MINDY2: variants seen among roughly 807,000 people sequenced by gnomAD.
The protein encoded by MINDY2 is MINDY lysine 48 deubiquitinase 2.
MINDY2 carries 52 observed loss-of-function variants against 68.2 expected under a neutral mutation model. The observed-to-expected ratio is 0.76, with a 90% confidence interval of 0.61 to 0.96. The LOEUF is 0.96. MINDY2 is among the 40% of genes least tolerant of loss of function. The pLI is 0.00. For missense variants in MINDY2, 881 were observed against 773.4 expected (o/e 1.14, Z -1.65); for synonymous variants, 372 against 303.0 (o/e 1.23, Z -2.36).
intron 2 of MINDY2, among the ~76,000 whole-genome samples, chr15:58,800,888 A>C (rs1191662422): frequency 6.6e-6 from 1 of 151,872 alleles, no homozygotes; most frequent in Non-Finnish European, 1.5e-5. Context: ...TTACATCACT[A>C]AGTCTAGCTC....
chr15:58,802,393 T>C lies in MINDY2; in HGVS notation c.963+16T>C. ...TTATGAACAGGTAATAAACAGTTTT[T>C]GTTAAAGTATATAATTTTAAAGTTT... On this transcript the variant is annotated intron_variant, in intron 3 of 8. Transcript: ENST00000559228. 1 of 1,501,006 alleles carries C rather than the reference T, an allele frequency of 6.7e-7. No individual in the cohort carries two copies. The highest frequency in any genetic ancestry group is 9.0e-7 in the Non-Finnish European group (1 of 1,105,408). 93.0% of individuals were successfully genotyped at this position (1,501,006 alleles called of 1,614,324 possible). A position where few individuals can be genotyped will look rare whatever the true frequency, so the allele number is the denominator to read the frequency against.
At position 58,772,040 on chromosome 15, in the gene MINDY2, T is replaced by A; in HGVS notation, c.645T>A (p.Val215=). The A allele has an allele frequency of 6.2e-7, 1 of 1,605,994 alleles. No individual in the cohort carries two copies. Among genetic ancestry groups the A allele is most frequent in the Non-Finnish European group, 8.5e-7 (1 of 1,175,844 alleles). Residue 215 remains valine (V), a synonymous_variant, in exon 1 of 9, where the codon GTT becomes GTA. Coordinates refer to ENST00000559228, the MANE Select transcript of MINDY2 (RefSeq NM_001040450.3). The stretch of plus-strand genomic sequence containing the variant: ...GCGCGGCGGTGTTGCCCGGGGCTGT[T>A]CCTCTGTGCAAGGAGGAGGAGGGGG... ...EEGAAVLPGA[V]PLCKEEEGEE...
chr15:58,789,301 G>A (rs940156410), intron 2 of MINDY2, among the ~76,000 whole-genome samples: 1 of 152,132 alleles, frequency 6.6e-6, no homozygotes, highest in Admixed American at 6.5e-5. Context: ...TTGCACCACT[G>A]CACTCCAGCC....
intron 3 of MINDY2, among the ~76,000 whole-genome samples, chr15:58,809,580 T>C (rs1291344845): frequency 2.0e-5 from 3 of 152,204 alleles, no homozygotes; most frequent in Non-Finnish European, 4.4e-5. Context: ...GATTCACCAG[T>C]AGGAGAGGCC....
chr15:58,813,799 G>C (rs1004604004), intron 4 of MINDY2, among the ~76,000 whole-genome samples: 8 of 151,356 alleles, frequency 5.3e-5, no homozygotes, highest in African/African-American at 1.5e-4. Flanking sequence ...CTGTAGAAAA[G>C]TTTACATTCC....
chr15:58,821,486 T>A (rs959200604), intron 4 of MINDY2, among the ~76,000 whole-genome samples: 10 of 152,186 alleles, frequency 6.6e-5, no homozygotes, highest in Non-Finnish European at 1.2e-4. Context: ...TTTAATCTTA[T>A]TTTGCATAAT....
intron 2 of MINDY2, chr15:58,796,048 C>T (rs1483640608): frequency 2.2e-6 from 1 of 454,904 alleles, no homozygotes; most frequent in Non-Finnish European, 4.4e-6. Context: ...AACCGTGTCA[C>T]TGCAGTGATG....
At chr15:58,842,783 C>T (rs2032344467) in intron 6 of MINDY2, among the ~76,000 whole-genome samples, 1 of 152,148 alleles carries the variant, frequency 6.6e-6, no homozygotes, top group African/African-American at 2.4e-5. Context: ...CTTCACAACT[C>T]CTCTGTGAGG....
In MINDY2 at chr15:58,834,418, C is replaced by T. The variant is rs181644581; in HGVS notation, c.1368+2502C>T. ...TCTTTAGTAAAGCTACTTCTACTCT[C>T]CTCAAACCAGTGGTTCTCAACCCAA... On this transcript the variant is annotated intron_variant, in intron 6 of 8. Coordinates refer to ENST00000559228, the MANE Select transcript of MINDY2 (RefSeq NM_001040450.3). Among the ~76,000 whole-genome samples, 299 of 152,344 alleles carry T rather than the reference C, an allele frequency of 2.0e-3. 3 individuals are homozygous for T. The highest frequency in any genetic ancestry group is 6.9e-3 in the African/African-American group (286 of 41,586).
At chr15:58,839,085 GT>G (rs1161783866) in intron 6 of MINDY2, among the ~76,000 whole-genome samples, 1 of 151,698 alleles carries the variant, frequency 6.6e-6, no homozygotes, top group East Asian at 1.9e-4. Flanking sequence ...TATATGAAAA[GT>G]TTTTTTAAAT....
intron 1 of MINDY2, among the ~76,000 whole-genome samples, chr15:58,777,993 G>A (rs1375497414): frequency 6.6e-6 from 1 of 151,964 alleles, no homozygotes; most frequent in Non-Finnish European, 1.5e-5. Context: ...GCTATTTATA[G>A]GTTTATTTGA....
At chr15:58,852,954 T>C (rs1567079810) in intron 8 of MINDY2, among the ~76,000 whole-genome samples, 2 of 47,442 alleles carry the variant, frequency 4.2e-5, no homozygotes, top group Non-Finnish European at 9.8e-5. Flanking sequence ...TTTTTTTTTT[T>C]TTTTTTTTTT....
At chr15:58,853,292 A>T (rs1255006091) in intron 8 of MINDY2, among the ~76,000 whole-genome samples, 1 of 152,004 alleles carries the variant, frequency 6.6e-6, no homozygotes, top group Non-Finnish European at 1.5e-5. Flanking sequence ...AGAAATTCTG[A>T]TTTGGGCATA....
intron 7 of MINDY2, 88 bp downstream of exon 7, chr15:58,847,558 A>G: frequency 8.9e-7 from 1 of 1,124,058 alleles, no homozygotes; most frequent in Non-Finnish European, 1.2e-6. Context: ...TCAACTAAAG[A>G]TTAATTCATC....
chr15:58,838,582 ATTT>A (rs780140528), intron 6 of MINDY2, among the ~76,000 whole-genome samples: 2 of 93,084 alleles, frequency 2.1e-5, no homozygotes, highest in Admixed American at 1.4e-4. Flanking sequence ...CTTTTTAGGG[ATTT>A]TTTTTTTTTT....
intron 5 of MINDY2, among the ~76,000 whole-genome samples, chr15:58,831,039 G>GTATATATATATATATA (rs1247362730): frequency 9.1e-5 from 10 of 109,600 alleles, no homozygotes; most frequent in Non-Finnish European, 1.3e-4. Flanking sequence ...GTGTGTGTGT[G>GTATATATATATATATA]TGTATATATA....
intron 6 of MINDY2, among the ~76,000 whole-genome samples, chr15:58,835,693 C>A (rs1297036759): frequency 5.9e-5 from 9 of 151,920 alleles, no homozygotes; most frequent in African/African-American, 1.7e-4. Context: ...AAAATGATAC[C>A]TAAAAAGTGA....
chr15:58,808,932 C>G (rs2030019311), intron 3 of MINDY2, among the ~76,000 whole-genome samples: 1 of 152,182 alleles, frequency 6.6e-6, no homozygotes, highest in Non-Finnish European at 1.5e-5. Flanking sequence ...CTGAAACTTG[C>G]CAGGCATGGT....
At chr15:58,827,158 C>G (rs1036198503) in intron 5 of MINDY2, among the ~76,000 whole-genome samples, 3 of 152,118 alleles carry the variant, frequency 2.0e-5, no homozygotes, top group Non-Finnish European at 2.9e-5. Flanking sequence ...TGGTGATGTT[C>G]AAATATGATA....
Sources: gnomAD v4.1 joint callset for allele counts (sites outside exome capture counted in the v4.1 genomes callset) on GRCh38, gnomAD v4.1.1 for gene constraint, MANE v1.5 for transcripts, NCBI Gene and HGNC (gene_info 2026-07-23, HGNC 2026-07-21) for gene names.